The following ARHGAP15 variants were observed in gnomAD, a reference collection of about 807,000 sequenced individuals.
ARHGAP15 encodes Rho GTPase activating protein 15, also known as rho GTPase-activating protein 15.
A neutral mutation model predicts 63.7 loss-of-function variants in ARHGAP15; 51 were observed. The observed-to-expected ratio is 0.80, with a 90% CI of 0.64 to 1.01. The LOEUF (loss-of-function observed/expected upper bound fraction) is 1.01. Ranked by LOEUF, ARHGAP15 falls within the 50% of genes least tolerant of loss-of-function variation. ARHGAP15 has a pLI of 0.00. For synonymous variants in ARHGAP15, 191 were observed against 193.8 expected (o/e 0.99, Z 0.12); for missense variants, 560 against 564.6 (o/e 0.99, Z 0.08).
intron 6 of ARHGAP15, among the ~76,000 whole-genome samples, chr2:143,308,348 C>T (rs542565027): frequency 6.6e-6 from 1 of 152,094 alleles, no homozygotes; most frequent in South Asian, 2.1e-4. Context: ...CCAGAAAGAA[C>T]CACCATGGGA....
chr2:143,165,523 G>T (rs760303772), intron 2 of ARHGAP15, among the ~76,000 whole-genome samples: 1 of 152,008 alleles, frequency 6.6e-6, no homozygotes, highest in Non-Finnish European at 1.5e-5. Flanking sequence ...TAATGTAAAC[G>T]CCAACATCAA....
chr2:143,383,818 C>T lies in ARHGAP15; in HGVS notation c.475-51783C>T, dbSNP rs1047297708. Among the ~76,000 whole-genome samples the T allele has an allele frequency of 3.9e-5, 6 of 152,006 alleles. No individual in the cohort carries two copies. The South Asian group carries it at 6.2e-4, about 16-fold the overall frequency. On this transcript the variant is annotated intron_variant, in intron 6 of 13. Coordinates refer to ENST00000295095, the MANE Select transcript of ARHGAP15 (RefSeq NM_018460.4). ...TTATACTAGACCATAAAAGGTGTTA[C>T]GCAGTGAAATACTAAACAAGTCACA...
intron 8 of ARHGAP15, among the ~76,000 whole-genome samples, chr2:143,457,162 A>G (rs2105148214): frequency 6.6e-6 from 1 of 152,284 alleles, no homozygotes; most frequent in South Asian, 2.1e-4. Context: ...ACTTTCATTT[A>G]ACAGATTCTG....
chr2:143,218,037 G>A (rs1692826186), intron 4 of ARHGAP15, among the ~76,000 whole-genome samples: 6 of 152,148 alleles, frequency 3.9e-5, no homozygotes, highest in Admixed American at 3.9e-4. Context: ...GCAGTGTCAA[G>A]AGGAAGCAGA....
intron 13 of ARHGAP15, among the ~76,000 whole-genome samples, chr2:143,759,880 A>C (rs57654687): frequency 5.2e-4 from 79 of 152,312 alleles, no homozygotes; most frequent in African/African-American, 1.9e-3. Flanking sequence ...ATTCAATAAA[A>C]GAGAATCTCT....
At chr2:143,343,664 T>C (rs771735558) in intron 6 of ARHGAP15, among the ~76,000 whole-genome samples, 4 of 152,068 alleles carry the variant, frequency 2.6e-5, no homozygotes, top group South Asian at 4.1e-4. Context: ...CTTCAAGCTT[T>C]ACTATAAATA....
chr2:143,372,174 A>G (rs1452377765), intron 6 of ARHGAP15, among the ~76,000 whole-genome samples: 4 of 151,770 alleles, frequency 2.6e-5, no homozygotes, highest in South Asian at 2.1e-4. Flanking sequence ...CCCCATCTCT[A>G]CGAAAAATAG....
At chr2:143,153,843 T>TCCTCCTCCTCCTCCTCCTCC in intron 1 of ARHGAP15, among the ~76,000 whole-genome samples, 1 of 86,890 alleles carries the variant, frequency 1.2e-5, no homozygotes, top group African/African-American at 4.8e-5. Context: ...CTTCTTCTTC[T>TCCTCCTCCTCCTCCTCCTCC]TCCTCCTCCT....
chr2:143,409,569 C>T (rs888107393), intron 6 of ARHGAP15, among the ~76,000 whole-genome samples: 2 of 152,084 alleles, frequency 1.3e-5, no homozygotes, highest in African/African-American at 2.4e-5. Flanking sequence ...CTATATACCC[C>T]CAGTACAAAG....
chr2:143,467,635 T>A (rs1691295444), intron 8 of ARHGAP15, among the ~76,000 whole-genome samples: 2 of 152,092 alleles, frequency 1.3e-5, no homozygotes, highest in Admixed American at 1.3e-4. Context: ...CCGAAGAATA[T>A]CTTTAGATGA....
chr2:143,365,721 C>G (rs568200414), intron 6 of ARHGAP15, among the ~76,000 whole-genome samples: 2 of 152,134 alleles, frequency 1.3e-5, no homozygotes, highest in African/African-American at 4.8e-5. Flanking sequence ...TTTTTAACAT[C>G]GCTAATTCTA....
At chr2:143,613,112 T>G (rs1698320384) in intron 11 of ARHGAP15, among the ~76,000 whole-genome samples, 1 of 152,078 alleles carries the variant, frequency 6.6e-6, no homozygotes, top group African/African-American at 2.4e-5. Flanking sequence ...GTAAATAAAA[T>G]TTTTAATTAA....
intron 6 of ARHGAP15, among the ~76,000 whole-genome samples, chr2:143,315,623 C>G (rs973133919): frequency 6.6e-6 from 1 of 152,004 alleles, no homozygotes; most frequent in Non-Finnish European, 1.5e-5. Flanking sequence ...TTTCTACTAG[C>G]CAGAAATAAC....
At chr2:143,460,736 ACTC>A (rs753246461) in intron 8 of ARHGAP15, among the ~76,000 whole-genome samples, 3 of 152,084 alleles carry the variant, frequency 2.0e-5, no homozygotes, top group African/African-American at 4.8e-5. Context: ...TGTATGTGGG[ACTC>A]CTCCTCTCTT....
chr2:143,709,079 A>T (rs189491050), intron 13 of ARHGAP15, among the ~76,000 whole-genome samples: 1 of 152,318 alleles, frequency 6.6e-6, no homozygotes, highest in East Asian at 1.9e-4. Flanking sequence ...CTATTAGTAT[A>T]TTCTAGATAT....
chr2:143,678,497 T>G (rs1682935598), intron 12 of ARHGAP15, among the ~76,000 whole-genome samples: 1 of 152,214 alleles, frequency 6.6e-6, no homozygotes, highest in African/African-American at 2.4e-5. Flanking sequence ...GTTTGTTCCT[T>G]TCTTCCTCAC....
intron 6 of ARHGAP15, among the ~76,000 whole-genome samples, chr2:143,266,261 CTG>C (rs1176048996): frequency 6.6e-6 from 1 of 152,036 alleles, no homozygotes; most frequent in Admixed American, 6.6e-5. Context: ...TTTGATAATA[CTG>C]TCAATTTATC....
At chr2:143,289,959 GGA>G (rs991892461) in intron 6 of ARHGAP15, among the ~76,000 whole-genome samples, 6 of 152,116 alleles carry the variant, frequency 3.9e-5, no homozygotes, top group African/African-American at 1.4e-4. Flanking sequence ...CTAAATGAAA[GGA>G]CTTTCTTAAA....
At chr2:143,379,487 ATGTG>A (rs58976215) in intron 6 of ARHGAP15, among the ~76,000 whole-genome samples, 10,133 of 129,708 alleles carry the variant, frequency 0.078, 430 homozygotes, top group Non-Finnish European at 0.11. Context: ...AGGCATATAT[ATGTG>A]TGTGTGTGTG....
Sources: gnomAD v4.1 joint callset for allele counts (sites outside exome capture counted in the v4.1 genomes callset) on GRCh38, gnomAD v4.1.1 for gene constraint, MANE v1.5 for transcripts, NCBI Gene and HGNC (gene_info 2026-07-23, HGNC 2026-07-21) for gene names.